Variants in CNTN4 observed in about 807,000 individuals in gnomAD.
CNTN4 encodes contactin 4.
A neutral mutation model predicts 122.5 loss-of-function variants in CNTN4; 77 were observed. The ratio of observed to expected loss-of-function variants is 0.63; its 90% CI spans 0.52 to 0.76. The LOEUF is 0.76. CNTN4 is among the 30% of genes least tolerant of loss of function. CNTN4 has a pLI of 0.00. For missense variants in CNTN4, 1,256 were observed against 1,259.1 expected (o/e 1.00, Z 0.04); for synonymous variants, 512 against 447.0 (o/e 1.15, Z -1.83).
At chr3:3,000,178 C>T (rs1171569832) in intron 14 of CNTN4, among the ~76,000 whole-genome samples, 4 of 151,406 alleles carry the variant, frequency 2.6e-5, no homozygotes, top group Admixed American at 2.0e-4. Context: ...AATATATATA[C>T]TCTTTAAAAA....
intron 2 of CNTN4, among the ~76,000 whole-genome samples, chr3:2,273,741 A>G (rs1253541808): frequency 6.6e-6 from 1 of 152,204 alleles, no homozygotes; most frequent in Admixed American, 6.5e-5. Context: ...TGAACCAAAA[A>G]CAAAAACCTG....
chr3:2,737,144 A>G (rs1471011796), intron 5 of CNTN4, among the ~76,000 whole-genome samples: 1 of 151,688 alleles, frequency 6.6e-6, no homozygotes, highest in Non-Finnish European at 1.5e-5. Context: ...GGATTGGCTC[A>G]GTCTTGGCTC....
chr3:2,304,075 T>C (rs2042620080), intron 2 of CNTN4, among the ~76,000 whole-genome samples: 1 of 152,234 alleles, frequency 6.6e-6, no homozygotes. Context: ...TCAGTCCATC[T>C]ATCTTTTGAT....
chr3:2,658,982 A>G (rs1033868502), intron 4 of CNTN4, among the ~76,000 whole-genome samples: 3 of 148,166 alleles, frequency 2.0e-5, no homozygotes, highest in Admixed American at 6.6e-5. Flanking sequence ...ACACACACAC[A>G]CACACACACA....
intron 4 of CNTN4, among the ~76,000 whole-genome samples, chr3:2,671,770 G>A (rs1426232786): frequency 6.6e-6 from 1 of 152,128 alleles, no homozygotes; most frequent in Non-Finnish European, 1.5e-5. Flanking sequence ...ATACAGATGG[G>A]GTTTTGGTGT....
chr3:2,968,536 G>C (rs375511205), intron 13 of CNTN4, among the ~76,000 whole-genome samples: 4 of 152,148 alleles, frequency 2.6e-5, no homozygotes, highest in Admixed American at 6.6e-5. Context: ...TAGCACTAAA[G>C]ATGAATCCTG....
At chr3:2,290,115 C>T (rs778078127) in intron 2 of CNTN4, among the ~76,000 whole-genome samples, 1 of 151,966 alleles carries the variant, frequency 6.6e-6, no homozygotes, top group Non-Finnish European at 1.5e-5. Context: ...AAAATAACAA[C>T]AAAAATGTGG....
chr3:2,753,597 C>A lies in CNTN4; in HGVS notation c.358+7900C>A, dbSNP rs560834629. ...GGTCACCTGAGTCTTGAGCAGATGC[C>A]TGTTATATGGCATTTTACATGCATG... On this transcript the variant is annotated intron_variant, in intron 6 of 24. Transcript: ENST00000418658. 2.0e-5 allele frequency among the ~76,000 whole-genome samples: 3 copies of A among 152,254 alleles called. No homozygotes were observed. The South Asian group carries it at 6.2e-4, about 32-fold the overall frequency.
chr3:2,785,114 T>TACACACACAC lies in CNTN4; in HGVS notation c.359-34356_359-34347dup, dbSNP rs150765167. ...ATATAAGTACACATTTGTACATGCGTACACACACACACACACACACACACA... is the reference window on the plus strand; with the variant it reads ...ATATAAGTACACATTTGTACATGCGTACACACACACACACACACACACACACACACACACA... On this transcript the variant is annotated intron_variant, in intron 6 of 24. Transcript: ENST00000418658. Among the ~76,000 whole-genome samples, 42 of 138,926 alleles carry TACACACACAC rather than the reference T, an allele frequency of 3.0e-4. No homozygotes were observed. The East Asian group carries it at 8.1e-3, about 27-fold the overall frequency. The allele number at this position is 138,926 out of a possible 152,430, so 91.1% of individuals were successfully genotyped here. A position where few individuals can be genotyped will look rare whatever the true frequency, so the allele number is the denominator to read the frequency against.
At chr3:2,646,891 T>C (rs2083148239) in intron 4 of CNTN4, among the ~76,000 whole-genome samples, 1 of 152,174 alleles carries the variant, frequency 6.6e-6, no homozygotes, top group Non-Finnish European at 1.5e-5. Context: ...TTTAACTTAA[T>C]TACCTCTTAA....
In CNTN4 at chr3:3,050,354, A is replaced by G. The variant is rs189676248; in HGVS notation, c.2812-3453A>G. Reference sequence around the variant, plus strand: ...GCAGGCTGGTTATGACCCATGGGCCACTAGTTTTTTGCTGTCTAACTCCCT... The same window carrying G: ...GCAGGCTGGTTATGACCCATGGGCCGCTAGTTTTTTGCTGTCTAACTCCCT... On this transcript the variant is annotated intron_variant, in intron 23 of 24. Transcript: ENST00000418658. Among the ~76,000 whole-genome samples, 87 of 152,258 alleles carry G rather than the reference A, an allele frequency of 5.7e-4. 3 individuals are homozygous for G. The East Asian group carries it at 0.014, about 25-fold the overall frequency.
chr3:2,552,138 G>T (rs1006610296), intron 3 of CNTN4, among the ~76,000 whole-genome samples: 3 of 152,134 alleles, frequency 2.0e-5, no homozygotes, highest in Non-Finnish European at 4.4e-5. Flanking sequence ...GAGTAAAGGA[G>T]CACCAAGCCT....
chr3:2,817,461 A>G (rs761457221), intron 6 of CNTN4, among the ~76,000 whole-genome samples: 1 of 152,188 alleles, frequency 6.6e-6, no homozygotes. Flanking sequence ...GTTTCTGATT[A>G]TTTTCTCAAA....
intron 9 of CNTN4, among the ~76,000 whole-genome samples, chr3:2,884,500 G>C (rs1336354737): frequency 2.6e-5 from 4 of 152,058 alleles, no homozygotes; most frequent in South Asian, 4.2e-4. Context: ...TTATAGGATT[G>C]AACACTCTAC....
At chr3:2,142,585 T>C (rs1269737459) in intron 2 of CNTN4, among the ~76,000 whole-genome samples, 1 of 152,160 alleles carries the variant, frequency 6.6e-6, no homozygotes, top group Non-Finnish European at 1.5e-5. Flanking sequence ...GCAAGTGATC[T>C]GCCCGCCTCG....
intron 2 of CNTN4, among the ~76,000 whole-genome samples, chr3:2,289,102 A>G (rs2042043050): frequency 6.6e-6 from 1 of 152,202 alleles, no homozygotes; most frequent in Non-Finnish European, 1.5e-5. Flanking sequence ...CATTTCTTAT[A>G]AGGCTATACA....
chr3:2,139,550 A>G (rs1245586190), intron 2 of CNTN4, among the ~76,000 whole-genome samples: 8 of 152,206 alleles, frequency 5.3e-5, no homozygotes, highest in Non-Finnish European at 7.3e-5. Context: ...AATGTAATGC[A>G]ATCAAATATT....
At chr3:2,191,330 A>C (rs925847971) in intron 2 of CNTN4, among the ~76,000 whole-genome samples, 60 of 151,960 alleles carry the variant, frequency 3.9e-4, no homozygotes, top group Non-Finnish European at 8.4e-4. Context: ...AAAATAATCT[A>C]TTTTCACAAG....
intron 2 of CNTN4, among the ~76,000 whole-genome samples, chr3:2,266,620 G>A (rs139736233): frequency 7.9e-4 from 120 of 152,134 alleles, no homozygotes; most frequent in Non-Finnish European, 1.2e-3. Flanking sequence ...AAGGGACTAG[G>A]ATCAAATTAA....
Sources: allele counts gnomAD v4.1 joint callset (sites outside exome capture counted in the v4.1 genomes callset), GRCh38; gene constraint gnomAD v4.1.1; transcripts MANE v1.5; gene names NCBI Gene and HGNC (gene_info 2026-07-23, HGNC 2026-07-21).